Variants in DMD observed in about 807,000 individuals in gnomAD.
DMD encodes mutant dystrophin.
DMD carries 63 observed loss-of-function variants against 330.1 expected under a neutral mutation model. That is an observed-to-expected ratio of 0.19 (90% CI 0.16 to 0.24). DMD has a LOEUF of 0.24. Ranked by LOEUF, DMD falls within the 10% of genes least tolerant of loss-of-function variation. DMD has a pLI of 1.00. For synonymous variants in DMD, 1,223 were observed against 959.8 expected (o/e 1.27, Z -5.07); for missense variants, 3,344 against 2,684.1 (o/e 1.25, Z -5.43).
chrX:32,772,443 T>A (rs898033326), intron 7 of DMD, among the ~76,000 whole-genome samples: 1 of 112,586 alleles, frequency 8.9e-6, no homozygotes, highest in Non-Finnish European at 1.9e-5. Flanking sequence ...TAGTCTTTAC[T>A]CTGTACTATA....
intron 48 of DMD, among the ~76,000 whole-genome samples, chrX:31,861,660 GTGTGTGTA>G (rs1352581258): frequency 1.0e-5 from 1 of 96,798 alleles, no homozygotes; most frequent in African/African-American, 3.9e-5. Context: ...GTGTGTGTGT[GTGTGTGTA>G]TATATATACA....
At chrX:32,312,941 C>CAAAAAAAA (rs1171543953) in intron 41 of DMD, among the ~76,000 whole-genome samples, 8 of 19,199 alleles carry the variant, frequency 4.2e-4, no homozygotes, top group Non-Finnish European at 6.4e-4. Context: ...AGCCTACGAA[C>CAAAAAAAA]CAAAAAAAAA....
chrX:33,185,621 C>T (rs760208411), intron 1 of DMD, among the ~76,000 whole-genome samples: 1 of 111,286 alleles, frequency 9.0e-6, no homozygotes, highest in Non-Finnish European at 1.9e-5. Flanking sequence ...AGTCCTCCCC[C>T]ACAAAAACTT....
At chrX:33,306,069 T>C (rs773511300) in intron 1 of DMD, among the ~76,000 whole-genome samples, 3 of 111,833 alleles carry the variant, frequency 2.7e-5, no homozygotes, top group African/African-American at 9.7e-5. Context: ...ACACAATGGA[T>C]AGGTATTTCT....
intron 18 of DMD, among the ~76,000 whole-genome samples, chrX:32,505,919 G>T (rs1245798013): frequency 1.8e-5 from 2 of 111,854 alleles, no homozygotes; most frequent in Non-Finnish European, 3.8e-5. Flanking sequence ...ATATTTTACC[G>T]CAGGATTTCA....
At chrX:32,844,497 T>G (rs1403561377) in intron 4 of DMD, among the ~76,000 whole-genome samples, 1 of 111,125 alleles carries the variant, frequency 9.0e-6, no homozygotes, top group African/African-American at 3.3e-5. Flanking sequence ...CTGCAGGACT[T>G]TGTCCACCAA....
intron 4 of DMD, among the ~76,000 whole-genome samples, chrX:32,837,576 TTTC>T (rs1469366479): frequency 8.9e-6 from 1 of 111,804 alleles, no homozygotes; most frequent in Non-Finnish European, 1.9e-5. Flanking sequence ...TTCACCATAG[TTTC>T]TTCCTTTAAT....
chrX:31,563,570 A>C (rs1449540708), intron 55 of DMD, among the ~76,000 whole-genome samples: 4 of 112,104 alleles, frequency 3.6e-5, no homozygotes, highest in Non-Finnish European at 7.5e-5. Flanking sequence ...TTATTATTTC[A>C]TATGAACTTT....
At chrX:32,960,656 T>C (rs780147506) in intron 2 of DMD, among the ~76,000 whole-genome samples, 19 of 111,513 alleles carry the variant, frequency 1.7e-4, no homozygotes, top group Non-Finnish European at 3.2e-4. Flanking sequence ...CAGTCACCTC[T>C]ACACAAATCA....
At chrX:32,425,655 T>G (rs993993880) in intron 29 of DMD, among the ~76,000 whole-genome samples, 2 of 111,311 alleles carry the variant, frequency 1.8e-5, no homozygotes, top group African/African-American at 6.5e-5. Flanking sequence ...TCCTCCTCAC[T>G]TTGGAACACA....
chrX:32,318,956 T>C (rs2097596244), intron 41 of DMD, among the ~76,000 whole-genome samples: 1 of 110,854 alleles, frequency 9.0e-6, no homozygotes, highest in African/African-American at 3.3e-5. Flanking sequence ...ACCTGCCTCA[T>C]GTGGATTCTG....
intron 5 of DMD, 139 bp downstream of exon 5, chrX:32,823,156 T>C (rs1784488669): frequency 2.0e-6 from 1 of 504,150 alleles, no homozygotes; most frequent in Non-Finnish European, 3.5e-6. Context: ...GACGACATGG[T>C]AGTGTCAATT....
chrX:33,220,600 G>C (rs2052156674), intron 1 of DMD, among the ~76,000 whole-genome samples: 2 of 111,726 alleles, frequency 1.8e-5, no homozygotes, highest in Non-Finnish European at 3.8e-5. Flanking sequence ...CTGATGGAAG[G>C]CAAGCTCCAT....
chrX:32,974,880 G>A (rs2092493515), intron 2 of DMD, among the ~76,000 whole-genome samples: 1 of 111,720 alleles, frequency 9.0e-6, no homozygotes, highest in Non-Finnish European at 1.9e-5. Context: ...CTAATTTTAA[G>A]TTTACTTTTG....
rs1190611475 is a variant in DMD, at chrX:31,556,382, GA to G, written c.8218-48930del. On this transcript the variant is annotated intron_variant, in intron 55 of 78. Transcript: ENST00000357033. ...ACTCTGTATCAAAAAAAAAAAAAAAGAAAAAAAAATAATAGTAACTTAAATT... is the reference window on the plus strand; with the variant it reads ...ACTCTGTATCAAAAAAAAAAAAAAAGAAAAAAAATAATAGTAACTTAAATT... Among the ~76,000 whole-genome samples, 4 of 97,012 alleles carry G rather than the reference GA, an allele frequency of 4.1e-5. No homozygotes were observed. The South Asian group carries it at 1.4e-3, about 34-fold the overall frequency. The allele number at this position is 97,012 out of a possible 115,157, so 84.2% of individuals were successfully genotyped here. A position where few individuals can be genotyped will look rare whatever the true frequency, so the allele number is the denominator to read the frequency against.
intron 60 of DMD, among the ~76,000 whole-genome samples, chrX:31,432,140 CA>C (rs1407293573): frequency 1.8e-5 from 2 of 112,001 alleles, no homozygotes; most frequent in Non-Finnish European, 3.8e-5. Flanking sequence ...ATTGCAAATA[CA>C]AAATACCAAG....
intron 44 of DMD, among the ~76,000 whole-genome samples, chrX:32,171,698 AGTT>A (rs896111224): frequency 6.3e-5 from 7 of 111,919 alleles, no homozygotes; most frequent in Non-Finnish European, 5.6e-5. Context: ...CATATTCAAT[AGTT>A]ATTATATTAT....
chrX:31,913,952 A>G (rs1437602519), intron 47 of DMD, among the ~76,000 whole-genome samples: 1 of 111,969 alleles, frequency 8.9e-6, no homozygotes, highest in African/African-American at 3.3e-5. Flanking sequence ...CCACTTCTGG[A>G]CTGCGTCAGA....
chrX:32,944,928 C>G (rs1479128420), intron 2 of DMD, among the ~76,000 whole-genome samples: 1 of 111,013 alleles, frequency 9.0e-6, no homozygotes, highest in Non-Finnish European at 1.9e-5. Flanking sequence ...ATTAAACACT[C>G]TAATAGCTAC....
Sources: gnomAD v4.1 joint callset for allele counts (sites outside exome capture counted in the v4.1 genomes callset) on GRCh38, gnomAD v4.1.1 for gene constraint, MANE v1.5 for transcripts, NCBI Gene and HGNC (gene_info 2026-07-23, HGNC 2026-07-21) for gene names.